Variants in ZBTB20 observed in about 807,000 individuals in gnomAD.
The protein encoded by ZBTB20 is zinc finger and BTB domain-containing protein 20.
ZBTB20 carries 9 observed loss-of-function variants against 56.9 expected under a neutral mutation model. The ratio of observed to expected loss-of-function variants is 0.16; its 90% CI spans 0.10 to 0.28. ZBTB20 has a LOEUF of 0.28. Ranked by LOEUF, ZBTB20 falls within the 10% of genes least tolerant of loss-of-function variation. ZBTB20 has a pLI of 1.00. For synonymous variants in ZBTB20, 417 were observed against 420.7 expected (o/e 0.99, Z 0.11); for missense variants, 655 against 1,003.0 (o/e 0.65, Z 4.69).
chr3:114,648,434 T>C (rs1444199012), intron 6 of ZBTB20, among the ~76,000 whole-genome samples: 1 of 151,962 alleles, frequency 6.6e-6, no homozygotes, highest in Non-Finnish European at 1.5e-5. Flanking sequence ...AAAGGAAAAC[T>C]TGCCATATCC....
intron 3 of ZBTB20, among the ~76,000 whole-genome samples, chr3:114,970,841 T>C (rs1303129818): frequency 1.3e-5 from 2 of 151,958 alleles, no homozygotes; most frequent in Non-Finnish European, 2.9e-5. Context: ...CGGTGAAACC[T>C]CGTGTCTACT....
At chr3:114,651,234 T>C (rs139784080) in intron 6 of ZBTB20, among the ~76,000 whole-genome samples, 263 of 152,140 alleles carry the variant, frequency 1.7e-3, no homozygotes, top group Non-Finnish European at 1.7e-3. Context: ...AAAGGCTGCA[T>C]TACAATCAGA....
Position 114,355,672 on chromosome 3 carries a change from T to C in ZBTB20, c.200-3794A>G, listed in dbSNP as rs150478964. 3.1e-4 allele frequency among the ~76,000 whole-genome samples: 47 copies of C among 152,314 alleles called. No homozygotes were observed. The East Asian group carries it at 8.5e-3, about 27-fold the overall frequency. On this transcript the variant is annotated intron_variant, in intron 10 of 11. Transcript: ENST00000675478. Reference sequence around the variant, plus strand: ...ATGGGCATTAATGTATAGATTCCAATGGAATAAATCTGAAATACTCTACTG... The same window carrying C: ...ATGGGCATTAATGTATAGATTCCAACGGAATAAATCTGAAATACTCTACTG...
At chr3:115,063,462 G>A (rs966426352) in intron 2 of ZBTB20, among the ~76,000 whole-genome samples, 17 of 152,110 alleles carry the variant, frequency 1.1e-4, no homozygotes, top group Admixed American at 1.1e-3. Flanking sequence ...GCTTCTATAA[G>A]GGCACTATTC....
chr3:114,902,311 TG>T (rs1282705013), intron 3 of ZBTB20, among the ~76,000 whole-genome samples: 2 of 152,214 alleles, frequency 1.3e-5, no homozygotes, highest in African/African-American at 4.8e-5. Flanking sequence ...TCACATTCAG[TG>T]AGCATCTACT....
intron 1 of ZBTB20, among the ~76,000 whole-genome samples, chr3:115,110,291 A>C (rs1278705365): frequency 6.6e-6 from 1 of 152,214 alleles, no homozygotes; most frequent in East Asian, 1.9e-4. Context: ...CGGAGTCAGC[A>C]TGATAGCAGC....
chr3:114,819,362 C>T (rs964179601), intron 4 of ZBTB20, among the ~76,000 whole-genome samples: 2 of 151,680 alleles, frequency 1.3e-5, no homozygotes, highest in East Asian at 3.9e-4. Context: ...CAAATCCTGA[C>T]TAGTAAGTAG....
At chr3:114,524,935 A>G (rs2047045054) in intron 6 of ZBTB20, among the ~76,000 whole-genome samples, 1 of 152,120 alleles carries the variant, frequency 6.6e-6, no homozygotes, top group Non-Finnish European at 1.5e-5. Flanking sequence ...GCTGGTCTCG[A>G]ACTCCTGACC....
intron 2 of ZBTB20, among the ~76,000 whole-genome samples, chr3:115,034,569 T>C (rs1356285273): frequency 6.6e-6 from 1 of 151,902 alleles, no homozygotes; most frequent in African/African-American, 2.4e-5. Context: ...ATAAAACTTT[T>C]CTGAAAGAAA....
chr3:114,529,031 C>T (rs1283346580), intron 6 of ZBTB20: 1 of 152,138 alleles, frequency 6.6e-6, no homozygotes, highest in African/African-American at 2.4e-5. Flanking sequence ...CTAAATTCTA[C>T]CTGAGAGGTC....
At chr3:114,790,746 TGACTATCATAGG>T (rs1266450392) in intron 5 of ZBTB20, among the ~76,000 whole-genome samples, 1 of 151,810 alleles carries the variant, frequency 6.6e-6, no homozygotes, top group Non-Finnish European at 1.5e-5. Flanking sequence ...AGAAAGTCAC[TGACTATCATAGG>T]GGAGACATAA....
chr3:114,652,803 T>G lies in ZBTB20; in HGVS notation c.-295+40725A>C, dbSNP rs1458082371. ...AATGACACTTTAGAAATACTGAGTATTCATCTATAAATAACGGATTTTTCT... is the reference window on the plus strand; with the variant it reads ...AATGACACTTTAGAAATACTGAGTAGTCATCTATAAATAACGGATTTTTCT... On this transcript the variant is annotated intron_variant, in intron 6 of 11. Coordinates refer to ENST00000675478, the MANE Select transcript of ZBTB20 (RefSeq NM_001348800.3). 3.9e-5 allele frequency among the ~76,000 whole-genome samples: 6 copies of G among 152,140 alleles called. No homozygotes were observed. The East Asian group carries it at 9.6e-4, about 24-fold the overall frequency.
At chr3:114,937,453 G>A (rs954848644) in intron 3 of ZBTB20, among the ~76,000 whole-genome samples, 2 of 150,220 alleles carry the variant, frequency 1.3e-5, no homozygotes, top group African/African-American at 4.9e-5. Context: ...ATGGAGTCTC[G>A]CTCTGTTGCC....
intron 7 of ZBTB20, among the ~76,000 whole-genome samples, chr3:114,438,069 A>ATGATATC (rs1239756609): frequency 2.6e-5 from 4 of 152,130 alleles, no homozygotes; most frequent in Non-Finnish European, 5.9e-5. Context: ...GCCTCCTGCT[A>ATGATATC]ATGCCAGTTG....
intron 4 of ZBTB20, among the ~76,000 whole-genome samples, chr3:114,830,014 CTA>C (rs981669858): frequency 2.0e-5 from 3 of 151,864 alleles, no homozygotes; most frequent in Non-Finnish European, 4.4e-5. Flanking sequence ...CAACTGATCT[CTA>C]TGAGTTTTCA....
rs564443901 is a variant in ZBTB20, at chr3:114,850,013, C to T, written c.-416-48839G>A. 1.1e-4 allele frequency among the ~76,000 whole-genome samples: 16 copies of T among 149,934 alleles called. No homozygotes were observed. The East Asian group carries it at 3.2e-3, about 30-fold the overall frequency. On this transcript the variant is annotated intron_variant, in intron 4 of 11. Coordinates refer to ENST00000675478, the MANE Select transcript of ZBTB20 (RefSeq NM_001348800.3). ...CTCCTGGATTCAAGCTGTTTTCCTG[C>T]CTCAGCCTCCTGAGTAGCTGGGACT...
chr3:114,969,219 T>C (rs1343967262), intron 3 of ZBTB20, among the ~76,000 whole-genome samples: 1 of 152,140 alleles, frequency 6.6e-6, no homozygotes, highest in Non-Finnish European at 1.5e-5. Flanking sequence ...CCATAAATAT[T>C]CGCTAGAAAA....
At chr3:114,744,814 T>G (rs1005815683) in intron 5 of ZBTB20, among the ~76,000 whole-genome samples, 5 of 152,132 alleles carry the variant, frequency 3.3e-5, no homozygotes, top group African/African-American at 1.2e-4. Flanking sequence ...CTATTCTTGC[T>G]GTCTTCTCAC....
rs760166000 is a variant in ZBTB20, at chr3:114,351,008, G to A, written c.1070C>T (p.Thr357Met). 3.7e-6 allele frequency: 6 copies of A among 1,610,706 alleles called. No homozygotes were observed. Among genetic ancestry groups the A allele is most frequent in the Admixed American group, 3.3e-5 (2 of 59,964 alleles). The change falls in exon 11 of 12, where the codon ACG becomes ATG. Residue 357 changes from threonine (T) to methionine (M), a missense_variant. Around this residue, in one of 10 missense-constraint regions of ZBTB20, gnomAD observed 156 missense variants for 181.0 expected, o/e 0.86. Transcript: ENST00000675478. ...ILERNESEECTEDTDQAEGTE... is the reference protein window; with the variant it reads ...ILERNESEECMEDTDQAEGTE... ...GCCCTCGGCCTGGTCTGTGTCTTCC[G>A]TGCACTCCTCGGATTCGTTGCGTTC...
Sources: gnomAD v4.1 joint callset for allele counts (sites outside exome capture counted in the v4.1 genomes callset) on GRCh38, gnomAD v4.1.1 for gene constraint, gnomAD v4.1.1 regional missense constraint, MANE v1.5 for transcripts, NCBI Gene and HGNC (gene_info 2026-07-23, HGNC 2026-07-21) for gene names.